Variants in ZNF441 observed in about 807,000 individuals in gnomAD.
ZNF441 encodes the protein zinc finger protein 441.
ZNF441 carries 25 observed loss-of-function variants against 64.5 expected under a neutral mutation model. That is an observed-to-expected ratio of 0.39 (90% CI 0.28 to 0.54). The LOEUF (loss-of-function observed/expected upper bound fraction) is 0.54. ZNF441 is among the 20% of genes least tolerant of loss of function. The pLI, the probability that ZNF441 is intolerant of heterozygous loss-of-function variation, is 0.70. For synonymous variants in ZNF441, 262 were observed against 268.0 expected (o/e 0.98, Z 0.22); for missense variants, 715 against 843.3 (o/e 0.85, Z 1.88).
At chr19:11,775,608 C>G (rs1975348676) in intron 1 of ZNF441, among the ~76,000 whole-genome samples, 1 of 147,638 alleles carries the variant, frequency 6.8e-6, no homozygotes, top group South Asian at 2.1e-4. Flanking sequence ...GGATTACAGG[C>G]ATGAGCCACC....
chr19:11,781,871 A>G lies in ZNF441; in HGVS notation c.2047A>G (p.Ile683Val). 3 of 1,600,480 alleles carry G rather than the reference A, an allele frequency of 1.9e-6. No homozygotes were observed. The African/African-American group carries it at 4.0e-5, about 22-fold the overall frequency. Residue 683 changes from isoleucine to valine, a missense_variant, in exon 4 of 4, where the codon ATC (isoleucine) becomes GTC (valine). Physicochemically the swap from Ile to Val is conservative, Grantham distance 29. Around this residue, in one of 2 missense-constraint regions of ZNF441, gnomAD observed 316 missense variants for 429.3 expected, o/e 0.74. Coordinates refer to ENST00000357901, the MANE Select transcript of ZNF441 (RefSeq NM_152355.3). Reference protein sequence around the residue: ...CKECGEAFHCISSFHKHEMTH With the variant: ...CKECGEAFHCVSSFHKHEMTH Reference sequence around the variant, plus strand: ...AGAATGTGGGGAAGCATTTCATTGTATCAGTTCCTTTCATAAACATGAAAT... The same window carrying G: ...AGAATGTGGGGAAGCATTTCATTGTGTCAGTTCCTTTCATAAACATGAAAT...
In ZNF441 at chr19:11,781,922, G is replaced by A. The variant is rs893134289; in HGVS notation, c.*16G>A. On this transcript the variant is annotated 3_prime_UTR_variant, in exon 4 of 4. Transcript: ENST00000357901. ...GACTCACTAGAGAAAACCCCTATGA[G>A]TGTTGAACATGTGAGAAAGCCTTAA... 3 of 1,542,416 alleles carry A rather than the reference G, an allele frequency of 1.9e-6. No individual in the cohort carries two copies. Among genetic ancestry groups the A allele is most frequent in the Non-Finnish European group, 2.6e-6 (3 of 1,144,270 alleles).
rs375770404 is a variant in ZNF441 at position 11,773,675 on chromosome 19, G to A, written c.4-3936G>A. ...TGTTAAGGATTATTATGTCTTGTAG[G>A]ATTGATCTCTTTATCATTATGAAAT... On this transcript the variant is annotated intron_variant, in intron 1 of 3. Transcript: ENST00000357901. 7.4e-4 allele frequency among the ~76,000 whole-genome samples: 112 copies of A among 152,222 alleles called. 1 individual carries two copies. In the South Asian group the frequency reaches 0.022, roughly 30 times the overall value.
At chr19:11,771,486 G>A (rs960671358) in intron 1 of ZNF441, among the ~76,000 whole-genome samples, 2 of 152,286 alleles carry the variant, frequency 1.3e-5, no homozygotes, top group African/African-American at 4.8e-5. Flanking sequence ...AACAAGAATA[G>A]TTATACCAGA....
Position 11,780,914 on chromosome 19 carries a change from C to T in ZNF441, c.1090C>T (p.His364Tyr), listed in dbSNP as rs771490912. ...GATAACGCACACTGGAGATGGACCT[C>T]ATAAATGCAAGGTATGTGGGAAAGC... ...HMITHTGDGPHKCKVCGKAFD... is the reference protein window; with the variant it reads ...HMITHTGDGPYKCKVCGKAFD... Residue 364 changes from histidine (H) to tyrosine (Y), a missense_variant, in exon 4 of 4, where the codon CAT becomes TAT. Around this residue, in one of 2 missense-constraint regions of ZNF441, gnomAD observed 316 missense variants for 429.3 expected, o/e 0.74. Transcript: ENST00000357901. 2.5e-5 allele frequency: 40 copies of T among 1,614,036 alleles called. No homozygotes were observed. Among genetic ancestry groups the T allele is most frequent in the Non-Finnish European group, 3.4e-5 (40 of 1,180,016 alleles).
Position 11,781,574 on chromosome 19 carries a change from A to G in ZNF441, c.1750A>G (p.Asn584Asp). 1 of 1,613,146 alleles carries G rather than the reference A, an allele frequency of 6.2e-7. No individual in the cohort carries two copies. Among genetic ancestry groups the G allele is most frequent in the Middle Eastern group, 1.7e-4 (1 of 6,058 alleles). The change falls in exon 4 of 4, where the codon AAT (asparagine) becomes GAT (aspartate). Residue 584 changes from asparagine to aspartate, a missense_variant. By Grantham distance (23) the Asn-to-Asp change is conservative. This residue lies in a region of ZNF441 where 316 missense variants were observed against 429.3 expected (regional missense o/e 0.74). Coordinates refer to ENST00000357901, the MANE Select transcript of ZNF441 (RefSeq NM_152355.3). Reference sequence around the variant, plus strand: ...AAGACACATGATAACACATACTGGAAATGGACCTCATAAATGTAAGATATG... The same window carrying G: ...AAGACACATGATAACACATACTGGAGATGGACCTCATAAATGTAAGATATG... ...FRRHMITHTG[N>D]GPHKCKICGK...
chr19:11,779,570 C>T (rs946021264), intron 3 of ZNF441, among the ~76,000 whole-genome samples: 1 of 151,880 alleles, frequency 6.6e-6, no homozygotes, highest in Non-Finnish European at 1.5e-5. Context: ...ATGGTGAAAC[C>T]CCGTCTCTAC....
Position 11,781,839 on chromosome 19 carries a change from A to C in ZNF441, c.2015A>C (p.Lys672Thr), listed in dbSNP as rs772650727. Residue 672 changes from lysine to threonine, a missense_variant, in exon 4 of 4, where the codon AAG (lysine) becomes ACG (threonine). Coordinates refer to ENST00000357901, the MANE Select transcript of ZNF441 (RefSeq NM_152355.3). ...ACCCACAGTATGGAGAAACCCTATA[A>C]GTGTAAAGAATGTGGGGAAGCATTT... ...ERTHSMEKPY[K>T]CKECGEAFHC... 3 of 1,612,114 alleles carry C rather than the reference A, an allele frequency of 1.9e-6. No individual in the cohort carries two copies. In the South Asian group the frequency reaches 3.3e-5, roughly 18 times the overall value.
intron 1 of ZNF441, among the ~76,000 whole-genome samples, chr19:11,775,961 T>C (rs948080592): frequency 6.6e-6 from 1 of 152,160 alleles, no homozygotes; most frequent in Admixed American, 6.5e-5. Context: ...AATTGTTCTC[T>C]CCTTTTTTAT....
chr19:11,767,144 C>A lies in ZNF441; in HGVS notation c.-50C>A. On this transcript the variant is annotated 5_prime_UTR_variant, in exon 1 of 4. Transcript: ENST00000357901. This position sits in a 1 kb window ranked among gnomAD's most constrained non-coding sequence, Gnocchi z 5.1. The stretch of plus-strand genomic sequence containing the variant: ...GCAGCTTCTGTCTCGCTGGGACCCG[C>A]ACTGACAGCGGGAGGCAGAGGGAGG... 1.9e-6 allele frequency: 3 copies of A among 1,553,936 alleles called. No homozygotes were observed. The highest frequency in any genetic ancestry group is 2.0e-5 in the Admixed American group (1 of 51,186).
chr19:11,768,532 C>T (rs948476871), intron 1 of ZNF441, among the ~76,000 whole-genome samples: 1 of 152,232 alleles, frequency 6.6e-6, no homozygotes, highest in African/African-American at 2.4e-5. Flanking sequence ...AGCCCATCCT[C>T]TATGGTTTCC....
intron 1 of ZNF441, among the ~76,000 whole-genome samples, chr19:11,777,027 C>G (rs550303949): frequency 2.6e-5 from 4 of 152,260 alleles, no homozygotes; most frequent in East Asian, 3.9e-4. Context: ...TCAGGCTGGT[C>G]TCGAACTCCT....
At chr19:11,770,297 C>T (rs987727155) in intron 1 of ZNF441, among the ~76,000 whole-genome samples, 12 of 152,168 alleles carry the variant, frequency 7.9e-5, no homozygotes, top group African/African-American at 2.2e-4. Flanking sequence ...ACAAGAACAG[C>T]GTGGGGGAAA....
chr19:11,776,346 C>A (rs1351666128), intron 1 of ZNF441, among the ~76,000 whole-genome samples: 1 of 152,146 alleles, frequency 6.6e-6, no homozygotes, highest in African/African-American at 2.4e-5. Context: ...ATTTGTTTAT[C>A]TCTGTGTTAA....
In ZNF441 at chr19:11,778,320, T is replaced by C. The variant is rs555235768; in HGVS notation, c.131-10T>C. ...TAATTTATAGTCATTTTTCTGGTTC[T>C]AACTTTTAGGAATGATATGGCAAAA... is the stretch of plus-strand genomic sequence containing the variant. On this transcript the variant is annotated splice_polypyrimidine_tract_variant and intron_variant, in intron 2 of 3. Coordinates refer to ENST00000357901, the MANE Select transcript of ZNF441 (RefSeq NM_152355.3). 8.7e-5 allele frequency: 133 copies of C among 1,524,826 alleles called. 1 individual carries two copies. In the South Asian group the frequency reaches 1.5e-3, roughly 18 times the overall value. 94.5% of individuals were successfully genotyped at this position (1,524,826 alleles called of 1,614,324 possible).
Position 11,780,333 on chromosome 19 carries a change from A to G in ZNF441, c.509A>G (p.Asp170Gly). The G allele has an allele frequency of 6.2e-7, 1 of 1,614,206 alleles. No homozygotes were observed. The highest frequency in any genetic ancestry group is 8.5e-7 in the Non-Finnish European group (1 of 1,180,046). Residue 170 changes from aspartate to glycine, a missense_variant, in exon 4 of 4, where the codon GAT (aspartate) becomes GGT (glycine). This residue lies in a region of ZNF441 where 399 missense variants were observed against 413.9 expected (regional missense o/e 0.96). Transcript: ENST00000357901. Reference sequence around the variant, plus strand: ...CCTCAGCATGGAAAGAAACTCTATGATTGTAAGGAATGTGCAAGCTTCAGT... The same window carrying G: ...CCTCAGCATGGAAAGAAACTCTATGGTTGTAAGGAATGTGCAAGCTTCAGT... ...ERPQHGKKLY[D>G]CKECASFSSL...
At position 11,783,371 on chromosome 19, in the gene ZNF441, T is replaced by A. The variant is rs1044248771; in HGVS notation, c.*1465T>A. On this transcript the variant is annotated 3_prime_UTR_variant, in exon 4 of 4. Coordinates refer to ENST00000357901, the MANE Select transcript of ZNF441 (RefSeq NM_152355.3). ...AGAACAACTACTGTGGAAAACAGTA[T>A]GTAGATTTCTCAAAAACCTAAAAAT... 5 of 152,192 alleles carry A rather than the reference T, an allele frequency of 3.3e-5. No individual in the cohort carries two copies. 9.4% of individuals were successfully genotyped at this position (152,192 alleles called of 1,614,324 possible).
At chr19:11,770,105 A>G (rs1448389656) in intron 1 of ZNF441, among the ~76,000 whole-genome samples, 1 of 152,102 alleles carries the variant, frequency 6.6e-6, no homozygotes, top group Non-Finnish European at 1.5e-5. Context: ...TGCTATAAAG[A>G]ACTACCAGAA....
chr19:11,781,379 C>T lies in ZNF441; in HGVS notation c.1555C>T (p.Arg519Ter), dbSNP rs763566843. 9 of 1,613,776 alleles carry T rather than the reference C, an allele frequency of 5.6e-6. No individual in the cohort carries two copies. Among genetic ancestry groups the T allele is most frequent in the African/African-American group, 1.3e-5 (1 of 74,832 alleles). Residue 519 changes from arginine (R) to a stop codon, truncating the protein, a stop_gained, in exon 4 of 4, where the codon CGA becomes TGA. Transcript: ENST00000357901. LOFTEE classifies it high-confidence loss of function. ...AAGCTTTGATTCTCCCAGTTCATTT[C>T]GAAGACATGAAAGAATTCACACTGG... is the stretch of plus-strand genomic sequence containing the variant. ...GKSFDSPSSF[R>*]RHERIHTGER...
Sources: allele counts gnomAD v4.1 joint callset (sites outside exome capture counted in the v4.1 genomes callset), GRCh38; gene constraint gnomAD v4.1.1; regional missense constraint gnomAD v4.1.1; non-coding constraint Gnocchi (gnomAD v3.1); transcripts MANE v1.5; gene names NCBI Gene and HGNC (gene_info 2026-07-23, HGNC 2026-07-21).